LOC400499: variants seen among roughly 807,000 people sequenced by gnomAD.
the LOC400499 span, among the ~76,000 whole-genome samples, chr16:11,504,086 T>A: frequency 6.6e-6 from 1 of 152,214 alleles, no homozygotes; most frequent in Non-Finnish European, 1.5e-5. Flanking sequence ...GGCAAGCCTC[T>A]GGCCACAAGT....
At chr16:11,438,558 C>T in the LOC400499 span, among the ~76,000 whole-genome samples, 1 of 146,674 alleles carries the variant, frequency 6.8e-6, no homozygotes, top group African/African-American at 2.6e-5. Flanking sequence ...ATCACTTGAG[C>T]CCAGGAGCTC....
chr16:11,394,973 G>A, the LOC400499 span, among the ~76,000 whole-genome samples: 13 of 152,356 alleles, frequency 8.5e-5, no homozygotes, highest in African/African-American at 2.4e-4. Flanking sequence ...AATGCAGGGT[G>A]CTTACTAAAC....
chr16:11,447,160 A>T, the LOC400499 span, among the ~76,000 whole-genome samples: 1 of 152,130 alleles, frequency 6.6e-6, no homozygotes, highest in Non-Finnish European at 1.5e-5. Context: ...GACAGCAAAG[A>T]CCCAAGAGGA....
the LOC400499 span, among the ~76,000 whole-genome samples, chr16:11,468,169 G>C: frequency 3.9e-5 from 6 of 152,258 alleles, no homozygotes; most frequent in African/African-American, 1.4e-4. Flanking sequence ...CCAGAACTGT[G>C]AGAACAAATT....
the LOC400499 span, among the ~76,000 whole-genome samples, chr16:11,512,063 C>G: frequency 6.6e-6 from 1 of 151,748 alleles, no homozygotes; most frequent in Non-Finnish European, 1.5e-5. Context: ...CCGAGGTGGG[C>G]GGATCACCTG....
At chr16:11,505,959 T>C in the LOC400499 span, among the ~76,000 whole-genome samples, 1 of 152,212 alleles carries the variant, frequency 6.6e-6, no homozygotes, top group Non-Finnish European at 1.5e-5. Flanking sequence ...CTATTGAGTA[T>C]TAGAGTCTGA....
At chr16:11,404,346 G>C in the LOC400499 span, among the ~76,000 whole-genome samples, 1 of 152,226 alleles carries the variant, frequency 6.6e-6, no homozygotes, top group African/African-American at 2.4e-5. Flanking sequence ...GGATATGCAG[G>C]TGCTCAGTCA....
chr16:11,384,870 C>A, the LOC400499 span: 1 of 1,232,300 alleles, frequency 8.1e-7, no homozygotes, highest in East Asian at 3.2e-5. Flanking sequence ...GGCCAACCCT[C>A]CTGGGGCCCA....
the LOC400499 span, among the ~76,000 whole-genome samples, chr16:11,505,077 G>A: frequency 2.6e-5 from 4 of 151,712 alleles, no homozygotes; most frequent in Non-Finnish European, 5.9e-5. Flanking sequence ...CAGTAGCAGA[G>A]CAGACACTTG....
At chr16:11,430,618 T>C in the LOC400499 span, among the ~76,000 whole-genome samples, 1 of 152,214 alleles carries the variant, frequency 6.6e-6, no homozygotes, top group South Asian at 2.1e-4. Flanking sequence ...AAATGTAAAA[T>C]GTTAGTAACT....
chr16:11,426,965 T>C, the LOC400499 span, among the ~76,000 whole-genome samples: 5 of 140,498 alleles, frequency 3.6e-5, no homozygotes, highest in African/African-American at 1.1e-4. Context: ...ATATAAAGAG[T>C]ATCTACAAAT....
chr16:11,416,066 G>C, the LOC400499 span, among the ~76,000 whole-genome samples: 1 of 150,622 alleles, frequency 6.6e-6, no homozygotes, highest in East Asian at 2.0e-4. Context: ...AGTGATTCTT[G>C]TGTCTCAGGC....
At chr16:11,433,602 G>T in the LOC400499 span, among the ~76,000 whole-genome samples, 1 of 152,176 alleles carries the variant, frequency 6.6e-6, no homozygotes, top group African/African-American at 2.4e-5. Context: ...GGTGACTCTT[G>T]GTGGGTTCCT....
the LOC400499 span, chr16:11,411,421 G>C: frequency 2.5e-6 from 1 of 398,144 alleles, no homozygotes; most frequent in Non-Finnish European, 4.4e-6. Flanking sequence ...ACTTCCCCGA[G>C]AGAGAGTCAG....
the LOC400499 span, among the ~76,000 whole-genome samples, chr16:11,482,309 G>A: frequency 6.6e-6 from 1 of 152,164 alleles, no homozygotes; most frequent in African/African-American, 2.4e-5. Flanking sequence ...TGGGGGTATG[G>A]GGAGTCCCTG....
the LOC400499 span, among the ~76,000 whole-genome samples, chr16:11,397,887 G>C: frequency 6.6e-6 from 1 of 151,962 alleles, no homozygotes; most frequent in African/African-American, 2.4e-5. Flanking sequence ...GCAGATATAC[G>C]GGGATGGATG....
At chr16:11,456,456 G>A in the LOC400499 span, among the ~76,000 whole-genome samples, 1 of 152,204 alleles carries the variant, frequency 6.6e-6, no homozygotes, top group Non-Finnish European at 1.5e-5. Context: ...CTCTGAGCCT[G>A]CAGGATAACG....
At chr16:11,438,636 A>AAAAT in the LOC400499 span, among the ~76,000 whole-genome samples, 11 of 149,204 alleles carry the variant, frequency 7.4e-5, no homozygotes, top group Non-Finnish European at 1.2e-4. Context: ...AAAAAGTACA[A>AAAAT]AAATTAGCTG....
the LOC400499 span, among the ~76,000 whole-genome samples, chr16:11,415,221 TTTC>T: frequency 6.6e-6 from 1 of 151,958 alleles, no homozygotes; most frequent in Admixed American, 6.6e-5. Flanking sequence ...CAGTTAGGAG[TTTC>T]TTCTTTGACT....
Sources: allele counts gnomAD v4.1 joint callset (sites outside exome capture counted in the v4.1 genomes callset), GRCh38; gene constraint gnomAD v4.1.1; transcripts MANE v1.5.